The following TMEM131L variants were observed in gnomAD, a reference collection of about 807,000 sequenced individuals.
TMEM131L encodes the protein transmembrane protein 131-like.
In TMEM131L, 54 loss-of-function variants were observed where a neutral mutation model predicts 192.2. That is an observed-to-expected ratio of 0.28 (90% CI 0.23 to 0.35). The LOEUF (loss-of-function observed/expected upper bound fraction) is 0.35, where lower values mean the gene tolerates loss of function less well. Ranked by LOEUF, TMEM131L falls within the 10% of genes least tolerant of loss-of-function variation. TMEM131L has a pLI of 1.00. For synonymous variants in TMEM131L, 701 were observed against 704.9 expected (o/e 0.99, Z 0.09); for missense variants, 1,888 against 1,972.9 (o/e 0.96, Z 0.82).
At chr4:153,626,742 G>C (rs1242492231) in intron 30 of TMEM131L, among the ~76,000 whole-genome samples, 1 of 152,184 alleles carries the variant, frequency 6.6e-6, no homozygotes, top group Non-Finnish European at 1.5e-5. Context: ...TCTAGCCTGG[G>C]TAACAGAGCG....
At chr4:153,580,974 C>A in intron 8 of TMEM131L, 71 bp downstream of exon 8, 1 of 1,133,064 alleles carries the variant, frequency 8.8e-7, no homozygotes, top group Non-Finnish European at 1.3e-6. Context: ...AAACACAAGG[C>A]TGGGCGCTGT....
At chr4:153,583,426 C>T (rs1730493633) in intron 10 of TMEM131L, 138 bp from the exon 11 acceptor site, 1 of 771,746 alleles carries the variant, frequency 1.3e-6, no homozygotes, top group African/African-American at 1.7e-5. Flanking sequence ...TCAGCATCCC[C>T]TCCATATGGT....
At chr4:153,476,500 A>C (rs984417190) in intron 3 of TMEM131L, among the ~76,000 whole-genome samples, 6 of 152,210 alleles carry the variant, frequency 3.9e-5, no homozygotes, top group Admixed American at 1.3e-4. Flanking sequence ...GATCAAGACC[A>C]TCCTGGATAA....
intron 7 of TMEM131L, among the ~76,000 whole-genome samples, chr4:153,560,976 TG>T (rs1383925322): frequency 3.3e-5 from 5 of 152,242 alleles, no homozygotes; most frequent in Non-Finnish European, 7.3e-5. Flanking sequence ...TTTTCTAAAG[TG>T]GTTGCATCAT....
Position 153,632,376 on chromosome 4 carries a change from CTT to C in TMEM131L, c.4208-340_4208-339del, listed in dbSNP as rs1329663577. On this transcript the variant is annotated intron_variant, in intron 31 of 34. Transcript: ENST00000409959. Reference sequence around the variant, plus strand: ...CACGCACATTATCTGGCATGCTACACTTTGTTTGTTGTTTGTCTTTGCTCACT... The same window carrying C: ...CACGCACATTATCTGGCATGCTACACTGTTTGTTGTTTGTCTTTGCTCACT... 1.3e-4 allele frequency: 21 copies of C among 165,810 alleles called. No homozygotes were observed. The South Asian group carries it at 3.0e-3, about 24-fold the overall frequency. The allele number at this position is 165,810 out of a possible 1,614,324, so 10.3% of individuals were successfully genotyped here. A position where few individuals can be genotyped will look rare whatever the true frequency, so the allele number is the denominator to read the frequency against.
At position 153,619,230 on chromosome 4, in the gene TMEM131L, G is replaced by T. The variant is rs148617375; in HGVS notation, c.3568-1526G>T. 3.3e-5 allele frequency among the ~76,000 whole-genome samples: 5 copies of T among 152,288 alleles called. No homozygotes were observed. The East Asian group carries it at 9.6e-4, about 29-fold the overall frequency. On this transcript the variant is annotated intron_variant, in intron 26 of 34. Coordinates refer to ENST00000409959, the MANE Select transcript of TMEM131L (RefSeq NM_001131007.2). ...TTTTTATTTGTACCTGACCTTGGAGGGATGGATAGGCTCAAGTACTTGCTG... is the reference window on the plus strand; with the variant it reads ...TTTTTATTTGTACCTGACCTTGGAGTGATGGATAGGCTCAAGTACTTGCTG...
intron 11 of TMEM131L, among the ~76,000 whole-genome samples, chr4:153,584,329 C>T (rs1207267349): frequency 6.6e-6 from 1 of 151,914 alleles, no homozygotes; most frequent in Non-Finnish European, 1.5e-5. Context: ...TTTATTTTCA[C>T]ATTTTTTTGT....
chr4:153,563,449 A>G (rs1030637079), intron 7 of TMEM131L, among the ~76,000 whole-genome samples: 1 of 133,078 alleles, frequency 7.5e-6, no homozygotes, highest in Non-Finnish European at 1.6e-5. Flanking sequence ...GAAAACGGAT[A>G]TGTACCCTTT....
At chr4:153,467,368 A>G in intron 2 of TMEM131L, 87 bp downstream of exon 2, 1 of 1,184,236 alleles carries the variant, frequency 8.4e-7, no homozygotes, top group South Asian at 1.3e-5. Flanking sequence ...CCCCTGTCCA[A>G]GCGGCACAGG....
chr4:153,617,901 T>G (rs896845834), intron 26 of TMEM131L, among the ~76,000 whole-genome samples: 2 of 152,040 alleles, frequency 1.3e-5, no homozygotes, highest in Admixed American at 1.3e-4. Context: ...TTTCATGAAT[T>G]TATATTTCAT....
In TMEM131L at chr4:153,496,035, A is replaced by G. The variant is rs17030052; in HGVS notation, c.239+22147A>G. ...CTGAAGATGGATTCCTAGAGTGCCA[A>G]CAAGGCCTCCGAATGCCAAGCTAGC... On this transcript the variant is annotated intron_variant, in intron 3 of 34. Transcript: ENST00000409959. Among the ~76,000 whole-genome samples the G allele has an allele frequency of 5.6e-3, 858 of 152,306 alleles. 11 individuals are homozygous for G. Among genetic ancestry groups the G allele is most frequent in the African/African-American group, 0.019 (808 of 41,562 alleles).
At chr4:153,572,621 G>A (rs1469575735) in intron 7 of TMEM131L, among the ~76,000 whole-genome samples, 7 of 152,072 alleles carry the variant, frequency 4.6e-5, no homozygotes, top group African/African-American at 7.2e-5. Context: ...ATGAGCCACC[G>A]CACCCGGCCC....
intron 19 of TMEM131L, among the ~76,000 whole-genome samples, chr4:153,595,479 C>T (rs1477945916): frequency 6.6e-6 from 1 of 152,066 alleles, no homozygotes; most frequent in Non-Finnish European, 1.5e-5. Context: ...TATTACTATT[C>T]TCTTTTTCAG....
chr4:153,488,404 G>A (rs1016151897), intron 3 of TMEM131L, among the ~76,000 whole-genome samples: 1 of 152,244 alleles, frequency 6.6e-6, no homozygotes, highest in Non-Finnish European at 1.5e-5. Context: ...AGGGCTGCCT[G>A]TGGGAGGAGT....
Position 153,603,974 on chromosome 4 carries a change from C to G in TMEM131L, c.2962C>G (p.His988Asp). 2 of 1,614,032 alleles carry G rather than the reference C, an allele frequency of 1.2e-6. No homozygotes were observed. Among genetic ancestry groups the G allele is most frequent in the Non-Finnish European group, 1.7e-6 (2 of 1,180,002 alleles). The change falls in exon 25 of 35, where the codon CAC becomes GAC. Residue 988 changes from histidine to aspartate, a missense_variant. Coordinates refer to ENST00000409959, the MANE Select transcript of TMEM131L (RefSeq NM_001131007.2). ...CAAATGCTCAGTGTATTACAGTAAACACAAAACCAGCACAGCTGCGGCCAG... is the reference window on the plus strand; with the variant it reads ...CAAATGCTCAGTGTATTACAGTAAAGACAAAACCAGCACAGCTGCGGCCAG... ...KHKCSVYYSK[H>D]KTSTAAASST...
rs1578885802 is a variant in TMEM131L, at chr4:153,621,958, A to G, written c.3859+109A>G. On this transcript the variant is annotated intron_variant, in intron 28 of 34. Transcript: ENST00000409959. ...CCTCAGTGATTTTATCTCTACAGGC[A>G]ACTTAGCTAATAACTAAAGCCCCAG... The G allele has an allele frequency of 2.0e-5, 21 of 1,039,816 alleles. No individual in the cohort carries two copies. The East Asian group carries it at 4.6e-4, about 23-fold the overall frequency. 64.4% of individuals were successfully genotyped at this position (1,039,816 alleles called of 1,614,324 possible).
chr4:153,569,040 C>A (rs1453260868), intron 7 of TMEM131L, among the ~76,000 whole-genome samples: 1 of 152,188 alleles, frequency 6.6e-6, no homozygotes. Flanking sequence ...CCTCCAAGAG[C>A]CCCTGCCCTT....
rs1486370368 is a variant in TMEM131L at position 153,632,760 on chromosome 4, G to A, written c.4250G>A (p.Cys1417Tyr). The change falls in exon 32 of 35, where the codon TGT (cysteine) becomes TAT (tyrosine). Residue 1417 changes from cysteine (C) to tyrosine (Y), a missense_variant. Transcript: ENST00000409959. Reference protein sequence around the residue: ...PGDLWPTPPVCVTSSLNCTLE... With the variant: ...PGDLWPTPPVYVTSSLNCTLE... ...GACCTGTGGCCCACTCCGCCAGTGT[G>A]TGTGACAAGCAGCTTAAACTGCACC... 2 of 1,614,130 alleles carry A rather than the reference G, an allele frequency of 1.2e-6. No individual in the cohort carries two copies. Among genetic ancestry groups the A allele is most frequent in the South Asian group, 1.1e-5 (1 of 91,070 alleles).
chr4:153,520,087 G>A (rs1176685548), intron 3 of TMEM131L, among the ~76,000 whole-genome samples: 1 of 152,114 alleles, frequency 6.6e-6, no homozygotes, highest in Non-Finnish European at 1.5e-5. Flanking sequence ...ATCTCTTAAG[G>A]CTTTGAACAA....
Sources: gnomAD v4.1 joint callset for allele counts (sites outside exome capture counted in the v4.1 genomes callset) on GRCh38, gnomAD v4.1.1 for gene constraint, MANE v1.5 for transcripts, NCBI Gene and HGNC (gene_info 2026-07-23, HGNC 2026-07-21) for gene names.